CLDN18: variants seen among roughly 807,000 people sequenced by gnomAD.
CLDN18 encodes the protein claudin 18.
In CLDN18, 20 loss-of-function variants were observed where a neutral mutation model predicts 25.0. The ratio of observed to expected loss-of-function variants is 0.80; its 90% CI spans 0.56 to 1.16. The LOEUF (loss-of-function observed/expected upper bound fraction) is 1.16. Among genes scored for constraint, CLDN18 ranks in the 50% most tolerant of loss-of-function variants. The pLI is 0.00. For missense variants in CLDN18, 297 were observed against 345.4 expected, an observed-to-expected ratio of 0.86 and a Z score of 1.11; for synonymous variants, 125 against 135.6, an observed-to-expected ratio of 0.92 and a Z score of 0.54.
At position 138,031,175 on chromosome 3, in the gene CLDN18, C is replaced by G. The variant is rs771871196; in HGVS notation, c.*34C>G. On this transcript the variant is annotated 3_prime_UTR_variant, in exon 5 of 5. Transcript: ENST00000183605. ...GACCTCTCAGCACGGGCGGAAGAAA[C>G]TCCCGGAGAGCTCACCCAAAAAACA... 5 of 1,532,852 alleles carry G rather than the reference C, an allele frequency of 3.3e-6. No homozygotes were observed. In the African/African-American group the frequency reaches 6.9e-5, roughly 21 times the overall value. The allele number at this position is 1,532,852 out of a possible 1,614,324, so 95.0% of individuals were successfully genotyped here.
At chr3:138,021,255 GAA>G (rs35208841) in intron 1 of CLDN18, among the ~76,000 whole-genome samples, 2 of 142,418 alleles carry the variant, frequency 1.4e-5, no homozygotes, top group African/African-American at 5.1e-5. Context: ...CCTTCAAAGA[GAA>G]AAAAAAAAAG....
intron 1 of CLDN18, among the ~76,000 whole-genome samples, chr3:138,022,351 G>T (rs773634535): frequency 6.6e-6 from 1 of 152,172 alleles, no homozygotes; most frequent in African/African-American, 2.4e-5. Flanking sequence ...AGTAGGGCCT[G>T]TGTACCAAGC....
At chr3:138,003,805 G>C (rs1053707949) in intron 1 of CLDN18, among the ~76,000 whole-genome samples, 8 of 152,102 alleles carry the variant, frequency 5.3e-5, no homozygotes, top group African/African-American at 1.9e-4. Context: ...TTTAGTTGGA[G>C]AGACAGGAAT....
intron 1 of CLDN18, among the ~76,000 whole-genome samples, chr3:138,017,448 A>T (rs1942219451): frequency 6.6e-6 from 1 of 152,324 alleles, no homozygotes; most frequent in African/African-American, 2.4e-5. Context: ...TCATATTTAC[A>T]GACACAGGAA....
At chr3:138,017,055 CA>C (rs67937956) in intron 1 of CLDN18, among the ~76,000 whole-genome samples, 33 of 139,312 alleles carry the variant, frequency 2.4e-4, no homozygotes, top group African/African-American at 3.5e-4. Context: ...GACTCTGTCT[CA>C]AAAAAAAAAA....
intron 1 of CLDN18, among the ~76,000 whole-genome samples, chr3:138,002,413 A>C (rs1312348758): frequency 2.0e-5 from 3 of 152,238 alleles, no homozygotes; most frequent in African/African-American, 7.2e-5. Context: ...ACTGACCGCC[A>C]GCGTGCAGGC....
In CLDN18 at chr3:138,029,840, G is replaced by A; in HGVS notation, c.547G>A (p.Gly183Ser). ...AALFVGWVAG[G>S]LTLIGGVMMC... The stretch of plus-strand genomic sequence containing the variant: ...TCTGTTCGTGGGCTGGGTCGCTGGA[G>A]GCCTCACACTAATTGGGGGTGTGAT... The change falls in exon 4 of 5, where the codon GGC (glycine) becomes AGC (serine). Residue 183 changes from glycine to serine, a missense_variant. Physicochemically the swap from Gly to Ser is moderately conservative, Grantham distance 56. Coordinates refer to ENST00000183605, the MANE Select transcript of CLDN18 (RefSeq NM_016369.4). The A allele has an allele frequency of 5.0e-6, 8 of 1,595,506 alleles. No homozygotes were observed. The highest frequency in any genetic ancestry group is 6.8e-6 in the Non-Finnish European group (8 of 1,172,042).
At chr3:138,023,125 T>A (rs1942288617) in intron 1 of CLDN18, among the ~76,000 whole-genome samples, 1 of 152,272 alleles carries the variant, frequency 6.6e-6, no homozygotes, top group Non-Finnish European at 1.5e-5. Flanking sequence ...AAATTGAGTA[T>A]CCTTGGTATA....
Position 138,031,018 on chromosome 3 carries a change from G to C in CLDN18, c.663G>C (p.Lys221Asn), listed in dbSNP as rs1441280441. The change falls in exon 5 of 5, where the codon AAG becomes AAC. Residue 221 changes from lysine (K) to asparagine (N), a missense_variant. Lys to Asn is a moderately conservative substitution (Grantham distance 94). Coordinates refer to ENST00000183605, the MANE Select transcript of CLDN18 (RefSeq NM_016369.4). ...YHASGHSVAY[K>N]PGGFKASTGF... ...CCTCAGGCCACAGTGTTGCCTACAA[G>C]CCTGGAGGCTTCAAGGCCAGCACTG... The C allele has an allele frequency of 1.9e-6, 3 of 1,614,152 alleles. No individual in the cohort carries two copies.
intron 1 of CLDN18, among the ~76,000 whole-genome samples, chr3:138,019,591 TG>T (rs1354042373): frequency 2.0e-5 from 3 of 152,234 alleles, no homozygotes; most frequent in Non-Finnish European, 4.4e-5. Flanking sequence ...CTCTCCACTC[TG>T]AGTACCTCTG....
intron 3 of CLDN18, 96 bp downstream of exon 3, chr3:138,024,820 A>C: frequency 3.0e-6 from 2 of 663,786 alleles, no homozygotes; most frequent in Non-Finnish European, 5.3e-6. Flanking sequence ...TCAGTGCCTG[A>C]AATAGCAAAA....
chr3:137,999,928 T>C (rs534546958), intron 1 of CLDN18, among the ~76,000 whole-genome samples: 3 of 152,348 alleles, frequency 2.0e-5, no homozygotes, highest in South Asian at 4.1e-4. Context: ...TTGTCGTTTT[T>C]ATTTTTGCTT....
intron 1 of CLDN18, among the ~76,000 whole-genome samples, chr3:138,022,219 C>G (rs1376635857): frequency 6.6e-6 from 1 of 152,126 alleles, no homozygotes; most frequent in Non-Finnish European, 1.5e-5. Flanking sequence ...CACAAACATT[C>G]TGTATAAGGG....
chr3:138,024,700 G>A lies in CLDN18; in HGVS notation c.479G>A (p.Gly160Glu), dbSNP rs574049183. 1.9e-6 allele frequency: 3 copies of A among 1,609,582 alleles called. No homozygotes were observed. Among genetic ancestry groups the A allele is most frequent in the South Asian group, 2.2e-5 (2 of 90,990 alleles). ...GCTAACATGTACACCGGCATGGGTG[G>A]GATGGTGCAGACTGTTCAGACCAGG... ...STANMYTGMG[G>E]MVQTVQTRYT... Residue 160 changes from glycine to glutamate, a missense_variant, in exon 3 of 5, where the codon GGG becomes GAG. Gly to Glu is a moderately conservative substitution (Grantham distance 98). Coordinates refer to ENST00000183605, the MANE Select transcript of CLDN18 (RefSeq NM_016369.4).
At chr3:138,012,709 A>C (rs1942148943) in intron 1 of CLDN18, among the ~76,000 whole-genome samples, 1 of 152,246 alleles carries the variant, frequency 6.6e-6, no homozygotes, top group South Asian at 2.1e-4. Flanking sequence ...CAAATCTGAG[A>C]AGCATTTATT....
upstream of CLDN18, among the ~76,000 whole-genome samples, chr3:138,009,249 TA>T (rs1196295048): frequency 6.6e-6 from 1 of 152,112 alleles, no homozygotes; most frequent in African/African-American, 2.4e-5. Context: ...CACGACAAGT[TA>T]GGGGCAGCAT....
chr3:138,029,439 G>A (rs1242538250), intron 3 of CLDN18, among the ~76,000 whole-genome samples: 2 of 152,150 alleles, frequency 1.3e-5, no homozygotes, highest in Admixed American at 6.5e-5. Context: ...GTACCCAGTC[G>A]AGATTGATTT....
chr3:138,026,160 C>T (rs1440319396), intron 3 of CLDN18, among the ~76,000 whole-genome samples: 2 of 152,130 alleles, frequency 1.3e-5, no homozygotes, highest in Non-Finnish European at 2.9e-5. Context: ...TTCCAGTGCC[C>T]CACTTGGTCC....
At chr3:138,017,712 G>A (rs1173616271) in intron 1 of CLDN18, among the ~76,000 whole-genome samples, 1 of 152,146 alleles carries the variant, frequency 6.6e-6, no homozygotes. Context: ...ATAAAGTTGG[G>A]GAGTCTATTG....
Sources: allele counts gnomAD v4.1 joint callset (sites outside exome capture counted in the v4.1 genomes callset), GRCh38; gene constraint gnomAD v4.1.1; transcripts MANE v1.5; gene names NCBI Gene and HGNC (gene_info 2026-07-23, HGNC 2026-07-21).